The following KDM4B variants were observed in gnomAD, a reference collection of about 807,000 sequenced individuals.
The protein encoded by KDM4B is lysine demethylase 4B, also known as lysine-specific demethylase 4B.
KDM4B carries 32 observed loss-of-function variants against 125.2 expected under a neutral mutation model. The ratio of observed to expected loss-of-function variants is 0.26; its 90% confidence interval spans 0.19 to 0.34. KDM4B has a LOEUF of 0.34. Among genes scored for constraint, KDM4B ranks in the 10% least tolerant of loss-of-function variants. The pLI is 1.00. For missense variants in KDM4B, 1,190 were observed against 1,577.7 expected (o/e 0.75, Z 4.16); for synonymous variants, 721 against 677.9 (o/e 1.06, Z -0.99).
At chr19:5,060,682 C>T (rs2037565918) in intron 6 of KDM4B, among the ~76,000 whole-genome samples, 1 of 152,070 alleles carries the variant, frequency 6.6e-6, no homozygotes, top group Admixed American at 6.5e-5. Context: ...AAATTCAGGC[C>T]GGTTTGACGG....
chr19:5,113,742 C>G (rs1229196523), intron 10 of KDM4B: 5 of 268,958 alleles, frequency 1.9e-5, no homozygotes, highest in Non-Finnish European at 2.9e-5. Flanking sequence ...ACAGATGTCC[C>G]TAGACATCGC....
At chr19:5,126,456 G>T (rs997367509) in intron 11 of KDM4B, among the ~76,000 whole-genome samples, 9 of 152,336 alleles carry the variant, frequency 5.9e-5, no homozygotes, top group Non-Finnish European at 1.5e-5. Context: ...GACACACAGG[G>T]TCAGGGGGCA....
chr19:5,128,758 G>GA (rs397814409), intron 11 of KDM4B, among the ~76,000 whole-genome samples: 3 of 143,128 alleles, frequency 2.1e-5, no homozygotes, highest in Non-Finnish European at 4.5e-5. Context: ...CATCGGCAGG[G>GA]AAAAAGTATT....
intron 13 of KDM4B, among the ~76,000 whole-genome samples, chr19:5,132,895 G>A (rs962100390): frequency 3.3e-5 from 5 of 152,202 alleles, no homozygotes; most frequent in Non-Finnish European, 7.4e-5. Flanking sequence ...GGCTCCGCTG[G>A]CGGTACTGTC....
At chr19:5,034,598 G>A (rs751994244) in intron 3 of KDM4B, among the ~76,000 whole-genome samples, 3 of 152,166 alleles carry the variant, frequency 2.0e-5, no homozygotes, top group Admixed American at 6.5e-5. Context: ...GGGCTGATTC[G>A]GCCCGAGGGC....
chr19:5,119,580 C>G, intron 10 of KDM4B, 73 bp from the exon 11 acceptor site: 1 of 1,414,836 alleles, frequency 7.1e-7, no homozygotes, highest in South Asian at 1.2e-5. Flanking sequence ...TGCGTGCTGC[C>G]GGACAGAGTG....
intron 3 of KDM4B, 116 bp downstream of exon 3, chr19:5,033,147 G>A: frequency 8.2e-7 from 1 of 1,212,730 alleles, no homozygotes; most frequent in Non-Finnish European, 1.2e-6. Flanking sequence ...CGTGGAATGT[G>A]TTTCGGGGCC....
chr19:5,051,295 G>A (rs2037215014), intron 6 of KDM4B, among the ~76,000 whole-genome samples: 1 of 152,240 alleles, frequency 6.6e-6, no homozygotes, highest in African/African-American at 2.4e-5. Context: ...CGAGGGCCCT[G>A]GCCCACGCTG....
At chr19:5,101,588 G>A (rs2038935057) in intron 9 of KDM4B, among the ~76,000 whole-genome samples, 1 of 151,960 alleles carries the variant, frequency 6.6e-6, no homozygotes, top group Admixed American at 6.6e-5. Flanking sequence ...GGATGCTGGT[G>A]ATGGGTTGGG....
intron 5 of KDM4B, among the ~76,000 whole-genome samples, chr19:5,045,617 G>A (rs1297526429): frequency 2.7e-5 from 4 of 150,928 alleles, no homozygotes; most frequent in African/African-American, 7.3e-5. Flanking sequence ...CTGGAACTAC[G>A]GTGCCCACCA....
At chr19:5,084,855 C>T (rs950067403) in intron 9 of KDM4B, among the ~76,000 whole-genome samples, 1 of 151,034 alleles carries the variant, frequency 6.6e-6, no homozygotes, top group South Asian at 2.1e-4. Context: ...TTTACCCACC[C>T]TCCCCCGCCC....
intron 10 of KDM4B, 129 bp downstream of exon 10, chr19:5,110,947 C>T: frequency 1.4e-6 from 1 of 693,168 alleles, no homozygotes; most frequent in Non-Finnish European, 2.3e-6. Context: ...TTCCTATTCC[C>T]ACCCCGCCTC....
At position 5,009,013 on chromosome 19, in the gene KDM4B, C is replaced by G. The variant is rs556915093; in HGVS notation, c.-108-7244C>G. 7.9e-4 allele frequency among the ~76,000 whole-genome samples: 118 copies of G among 148,762 alleles called. 2 individuals are homozygous for G. Among genetic ancestry groups the G allele is most frequent in the Non-Finnish European group, 1.6e-4 (11 of 67,616 alleles). The stretch of plus-strand genomic sequence containing the variant: ...TCAGGCAGCCTCTGCCTCCCAGGTT[C>G]AAGTAATTCTCCTGCCTCAGCTTCC... On this transcript the variant is annotated intron_variant, in intron 1 of 22. Transcript: ENST00000159111.
At position 5,105,513 on chromosome 19, in the gene KDM4B, G is replaced by T. The variant is rs143316261; in HGVS notation, c.919-5109G>T. On this transcript the variant is annotated intron_variant, in intron 9 of 22. Coordinates refer to ENST00000159111, the MANE Select transcript of KDM4B (RefSeq NM_015015.3). ...TGTGGCATGATCACAGCTCACTGCA[G>T]CCTTGACCGCCTGGGCTCAGGTGAT... Among the ~76,000 whole-genome samples, 487 of 152,318 alleles carry T rather than the reference G, an allele frequency of 3.2e-3. 6 individuals carry two copies. Among genetic ancestry groups the T allele is most frequent in the African/African-American group, 0.011 (468 of 41,566 alleles).
In KDM4B at chr19:5,041,150, C is replaced by T. The variant is rs150616189; in HGVS notation, c.331C>T (p.Arg111Trp). 3.1e-6 allele frequency: 5 copies of T among 1,611,224 alleles called. No individual in the cohort carries two copies. The highest frequency in any genetic ancestry group is 1.1e-5 in the South Asian group (1 of 91,002). ...TTTGTTCACCAGGTACTGTACCCCG[C>T]GGCACCAGGACTTTGATGACCTTGA... ...LANSEKYCTP[R>W]HQDFDDLERK... The change falls in exon 5 of 23, where the codon CGG becomes TGG. Residue 111 changes from arginine to tryptophan, a missense_variant. Arg to Trp is a moderately radical substitution (Grantham distance 101). Coordinates refer to ENST00000159111, the MANE Select transcript of KDM4B (RefSeq NM_015015.3).
intron 6 of KDM4B, among the ~76,000 whole-genome samples, chr19:5,058,733 G>T (rs2037488494): frequency 6.6e-6 from 1 of 152,230 alleles, no homozygotes; most frequent in East Asian, 1.9e-4. Flanking sequence ...TCATTTTGGA[G>T]TCTTTTGTTC....
intron 1 of KDM4B, among the ~76,000 whole-genome samples, chr19:5,014,359 C>T (rs965699630): frequency 1.1e-4 from 17 of 152,300 alleles, no homozygotes; most frequent in African/African-American, 3.6e-4. Flanking sequence ...TCGCTGCAAG[C>T]TCCACCTCCT....
At chr19:5,132,630 CA>C (rs1231458745) in intron 13 of KDM4B, among the ~76,000 whole-genome samples, 1 of 152,082 alleles carries the variant, frequency 6.6e-6, no homozygotes, top group Non-Finnish European at 1.5e-5. Context: ...GAGGAATGAC[CA>C]GGGGCCCCCG....
rs776872329 is a variant in KDM4B at position 5,041,128 on chromosome 19, G to C, written c.318-9G>C. 8 of 1,593,696 alleles carry C rather than the reference G, an allele frequency of 5.0e-6. No individual in the cohort carries two copies. The Admixed American group carries it at 1.0e-4, about 20-fold the overall frequency. On this transcript the variant is annotated splice_polypyrimidine_tract_variant and intron_variant, in intron 4 of 22. Transcript: ENST00000159111. Reference sequence around the variant, plus strand: ...ACCCTGAGCTGGTTTTGGGGTGTTTGTTCACCAGGTACTGTACCCCGCGGC... The same window carrying C: ...ACCCTGAGCTGGTTTTGGGGTGTTTCTTCACCAGGTACTGTACCCCGCGGC...
Sources: gnomAD v4.1 joint callset for allele counts (sites outside exome capture counted in the v4.1 genomes callset) on GRCh38, gnomAD v4.1.1 for gene constraint, MANE v1.5 for transcripts, NCBI Gene and HGNC (gene_info 2026-07-23, HGNC 2026-07-21) for gene names.